Variants in SLC14A2 observed in about 807,000 individuals in gnomAD.
The protein encoded by SLC14A2 is urea transporter 2.
A neutral mutation model predicts 104.6 loss-of-function variants in SLC14A2; 91 were observed. That is an observed-to-expected ratio of 0.87 (90% CI 0.73 to 1.04). The LOEUF is 1.04. SLC14A2 is among the 50% of genes least tolerant of loss of function. The pLI is 0.00. For missense variants in SLC14A2, 1,189 were observed against 1,156.0 expected (o/e 1.03, Z -0.41); for synonymous variants, 476 against 466.4 (o/e 1.02, Z -0.27).
At chr18:45,357,523 T>C (rs1005750346) in intron 1 of SLC14A2, among the ~76,000 whole-genome samples, 16 of 152,018 alleles carry the variant, frequency 1.1e-4, no homozygotes, top group Admixed American at 1.0e-3. Flanking sequence ...CAGTTAGACA[T>C]GATAGCACCA....
chr18:45,386,394 A>C (rs1247867437), intron 1 of SLC14A2, among the ~76,000 whole-genome samples: 1 of 152,114 alleles, frequency 6.6e-6, no homozygotes, highest in African/African-American at 2.4e-5. Flanking sequence ...ATCTTCTAGA[A>C]CTCAAAGACC....
At chr18:45,223,605 C>T (rs913695313) in intron 1 of SLC14A2, among the ~76,000 whole-genome samples, 3 of 152,174 alleles carry the variant, frequency 2.0e-5, no homozygotes, top group Non-Finnish European at 4.4e-5. Context: ...CACACCCCCT[C>T]CCCTGGCTAG....
At chr18:45,343,834 A>G (rs2085421393) in intron 1 of SLC14A2, among the ~76,000 whole-genome samples, 1 of 152,160 alleles carries the variant, frequency 6.6e-6, no homozygotes, top group Admixed American at 6.5e-5. Context: ...CGCCTGTACC[A>G]AATACATGAA....
chr18:45,551,334 C>T (rs567416534), intron 2 of SLC14A2, among the ~76,000 whole-genome samples: 12 of 152,166 alleles, frequency 7.9e-5, no homozygotes, highest in Non-Finnish European at 1.6e-4. Context: ...CTCCCCAATA[C>T]CCAGGACTGC....
chr18:45,490,821 G>A (rs535288149), intron 2 of SLC14A2, among the ~76,000 whole-genome samples: 2 of 152,218 alleles, frequency 1.3e-5, no homozygotes, highest in African/African-American at 4.8e-5. Flanking sequence ...ATTAAAGCAG[G>A]CAGTTCACAG....
At chr18:45,635,591 T>C (rs2045406351) in intron 5 of SLC14A2, among the ~76,000 whole-genome samples, 2 of 152,152 alleles carry the variant, frequency 1.3e-5, no homozygotes, top group African/African-American at 4.8e-5. Flanking sequence ...GGCACACACC[T>C]GACTGAAGTG....
chr18:45,487,129 C>A (rs1178227089), intron 2 of SLC14A2, among the ~76,000 whole-genome samples: 1 of 152,222 alleles, frequency 6.6e-6, no homozygotes, highest in Non-Finnish European at 1.5e-5. Flanking sequence ...AATCAAGGTA[C>A]CAGCAGTGCT....
chr18:45,262,455 C>T (rs1255139073), intron 1 of SLC14A2, among the ~76,000 whole-genome samples: 1 of 152,156 alleles, frequency 6.6e-6, no homozygotes, highest in Admixed American at 6.5e-5. Context: ...GGGGATGCTG[C>T]AGTCATCATT....
At chr18:45,365,165 C>T (rs181111731) in intron 1 of SLC14A2, among the ~76,000 whole-genome samples, 8 of 152,332 alleles carry the variant, frequency 5.3e-5, no homozygotes, top group African/African-American at 1.9e-4. Flanking sequence ...GAGTACTACA[C>T]CAAAACCTCT....
chr18:45,446,593 A>G (rs1035809384), intron 1 of SLC14A2, among the ~76,000 whole-genome samples: 1 of 152,224 alleles, frequency 6.6e-6, no homozygotes, highest in Non-Finnish European at 1.5e-5. Flanking sequence ...ACAAACATGA[A>G]AAGCAGATCT....
In SLC14A2 at chr18:45,663,843, T is replaced by G. The variant is rs188739993; in HGVS notation, c.1410T>G (p.Ala470=). The change falls in exon 11 of 20, where the codon GCT becomes GCG. Residue 470 remains alanine, a synonymous_variant. Transcript: ENST00000255226. ...AGPKVEEGSE[A]VLSKHRSVFH... The stretch of plus-strand genomic sequence containing the variant: ...CAAAGGTGGAGGAGGGCTCGGAGGC[T>G]GTGCTCTCCAAGCACAGGAGTGTAT... 1.3e-4 allele frequency: 205 copies of G among 1,613,142 alleles called. 1 individual carries two copies. Among genetic ancestry groups the G allele is most frequent in the Non-Finnish European group, 1.6e-4 (190 of 1,179,642 alleles).
intron 2 of SLC14A2, among the ~76,000 whole-genome samples, chr18:45,526,181 T>C (rs1221530477): frequency 6.6e-6 from 1 of 152,184 alleles, no homozygotes; most frequent in Non-Finnish European, 1.5e-5. Context: ...TATCTTAGCT[T>C]GCACAACCAT....
chr18:45,359,374 C>G lies in SLC14A2; in HGVS notation c.-124-123859C>G, dbSNP rs7229732. 3.0e-3 allele frequency among the ~76,000 whole-genome samples: 454 copies of G among 152,310 alleles called. 4 individuals are homozygous for G. Among genetic ancestry groups the G allele is most frequent in the African/African-American group, 0.01 (436 of 41,570 alleles). On this transcript the variant is annotated intron_variant, in intron 1 of 20. Transcript: ENST00000586448. ...CCCAGGGCAATGGTTCCTGCTCCAG[C>G]ACCCCTCCTCCTCCTCTGCCTCTCT...
intron 1 of SLC14A2, among the ~76,000 whole-genome samples, chr18:45,415,058 G>A (rs1170369386): frequency 6.6e-6 from 1 of 151,934 alleles, no homozygotes; most frequent in South Asian, 2.1e-4. Flanking sequence ...TTTTAGACAT[G>A]CTGGAAAATT....
intron 1 of SLC14A2, among the ~76,000 whole-genome samples, chr18:45,433,638 T>A (rs1448485341): frequency 6.6e-6 from 1 of 152,234 alleles, no homozygotes; most frequent in Non-Finnish European, 1.5e-5. Flanking sequence ...ATGACATCAA[T>A]AAGTTTGTTT....
At chr18:45,665,035 T>A (rs1193792188) in intron 11 of SLC14A2, among the ~76,000 whole-genome samples, 1 of 152,092 alleles carries the variant, frequency 6.6e-6, no homozygotes, top group Non-Finnish European at 1.5e-5. Context: ...GGCCTCCAAT[T>A]TCAAGGGATC....
intron 2 of SLC14A2, among the ~76,000 whole-genome samples, chr18:45,492,321 G>A (rs1474756648): frequency 2.0e-5 from 3 of 152,164 alleles, no homozygotes; most frequent in South Asian, 2.1e-4. Flanking sequence ...TTGAGACTGC[G>A]TAGTTTATAA....
At chr18:45,203,407 C>G in the SLC14A2 span, among the ~76,000 whole-genome samples, 2 of 152,210 alleles carry the variant, frequency 1.3e-5, no homozygotes, top group African/African-American at 4.8e-5. Flanking sequence ...CTAGCTCTTT[C>G]TTTAATGTTG....
chr18:45,255,855 T>C (rs1430647988), intron 1 of SLC14A2, among the ~76,000 whole-genome samples: 1 of 152,196 alleles, frequency 6.6e-6, no homozygotes, highest in East Asian at 1.9e-4. Context: ...TGGCAGAGTT[T>C]TGTGGGCAGC....
Sources: allele counts gnomAD v4.1 joint callset (sites outside exome capture counted in the v4.1 genomes callset), GRCh38; gene constraint gnomAD v4.1.1; transcripts MANE v1.5; gene names NCBI Gene and HGNC (gene_info 2026-07-23, HGNC 2026-07-21).